Variants in CFAP299 observed in about 807,000 individuals in gnomAD.
CFAP299 encodes cilia- and flagella-associated protein 299.
Under a neutral mutation model 27.0 loss-of-function variants are expected in CFAP299, and 21 were observed. That is an observed-to-expected ratio of 0.78 (90% CI 0.55 to 1.12). The LOEUF (loss-of-function observed/expected upper bound fraction) is 1.12, where lower values mean the gene tolerates loss of function less well. Among genes scored for constraint, CFAP299 ranks in the 50% most tolerant of loss-of-function variants. CFAP299 has a pLI of 0.00. For synonymous variants in CFAP299, 104 were observed against 98.1 expected, an observed-to-expected ratio of 1.06 and a Z score of -0.36; for missense variants, 310 against 276.6, an observed-to-expected ratio of 1.12 and a Z score of -0.86.
intron 3 of CFAP299, among the ~76,000 whole-genome samples, chr4:80,742,044 G>A (rs1033501881): frequency 6.6e-6 from 1 of 152,086 alleles, no homozygotes; most frequent in African/African-American, 2.4e-5. Flanking sequence ...TTATCTCTCT[G>A]CCCTGCATGA....
intron 2 of CFAP299, among the ~76,000 whole-genome samples, chr4:80,503,886 T>C (rs916397781): frequency 6.6e-6 from 1 of 152,178 alleles, no homozygotes; most frequent in Non-Finnish European, 1.5e-5. Flanking sequence ...TTTCCTATTA[T>C]GCATCAAAAC....
chr4:80,578,843 C>G (rs556728995), intron 2 of CFAP299, among the ~76,000 whole-genome samples: 39 of 152,194 alleles, frequency 2.6e-4, no homozygotes, highest in African/African-American at 9.4e-4. Context: ...TAGACTTAAC[C>G]TATGACTGTC....
chr4:80,457,847 T>G (rs1183334536), intron 2 of CFAP299, among the ~76,000 whole-genome samples: 1 of 152,186 alleles, frequency 6.6e-6, no homozygotes, highest in Non-Finnish European at 1.5e-5. Flanking sequence ...TTATCCATGT[T>G]TTGCCGGGCT....
chr4:80,802,258 G>A (rs998700874), intron 3 of CFAP299, among the ~76,000 whole-genome samples: 1 of 151,948 alleles, frequency 6.6e-6, no homozygotes. Context: ...GAATGCAATG[G>A]GACAGAGGTT....
chr4:80,701,152 A>G (rs1018505567), intron 3 of CFAP299, among the ~76,000 whole-genome samples: 1 of 152,070 alleles, frequency 6.6e-6, no homozygotes, highest in African/African-American at 2.4e-5. Context: ...TCATAAAAAC[A>G]TTAGTGGGGG....
At chr4:80,335,187 G>T (rs1000501482), upstream of CFAP299, among the ~76,000 whole-genome samples, 3 of 152,104 alleles carry the variant, frequency 2.0e-5, no homozygotes, top group Admixed American at 6.5e-5. Flanking sequence ...GCAAGAACTT[G>T]GTGCCAAAAA....
chr4:80,654,060 T>C (rs1740440083), intron 3 of CFAP299, among the ~76,000 whole-genome samples: 1 of 152,168 alleles, frequency 6.6e-6, no homozygotes, highest in Admixed American at 6.6e-5. Context: ...ACATTTGGGT[T>C]ATACAGTTTG....
At chr4:80,606,537 T>TA (rs1242152663) in intron 3 of CFAP299, among the ~76,000 whole-genome samples, 2 of 151,714 alleles carry the variant, frequency 1.3e-5, no homozygotes, top group South Asian at 2.1e-4. Context: ...TCTGTTTTTT[T>TA]AAAAAAAAGA....
At chr4:80,412,992 A>T (rs894707170) in intron 2 of CFAP299, among the ~76,000 whole-genome samples, 1 of 152,238 alleles carries the variant, frequency 6.6e-6, no homozygotes, top group South Asian at 2.1e-4. Context: ...TTATATATGC[A>T]TAAAATAAGT....
chr4:80,426,551 A>G (rs1041767063), intron 2 of CFAP299, among the ~76,000 whole-genome samples: 1 of 152,214 alleles, frequency 6.6e-6, no homozygotes, highest in South Asian at 2.1e-4. Flanking sequence ...GCCTGTTCAT[A>G]AGAATCTTCT....
chr4:80,542,829 T>A (rs1734066000), intron 2 of CFAP299, among the ~76,000 whole-genome samples: 1 of 152,136 alleles, frequency 6.6e-6, no homozygotes, highest in African/African-American at 2.4e-5. Context: ...GTGACCCTGC[T>A]GCTGCCCCTT....
At chr4:80,449,302 T>C (rs1053265889) in intron 2 of CFAP299, among the ~76,000 whole-genome samples, 3 of 151,872 alleles carry the variant, frequency 2.0e-5, no homozygotes, top group African/African-American at 7.2e-5. Flanking sequence ...GAAATTATTT[T>C]GCTCTGAATT....
At chr4:80,761,016 A>G (rs1301034160) in intron 3 of CFAP299, among the ~76,000 whole-genome samples, 1 of 152,160 alleles carries the variant, frequency 6.6e-6, no homozygotes, top group African/African-American at 2.4e-5. Flanking sequence ...TTGATGAACA[A>G]ATTACTCTTT....
intron 2 of CFAP299, among the ~76,000 whole-genome samples, chr4:80,523,660 A>G (rs1046531257): frequency 2.6e-5 from 4 of 152,136 alleles, no homozygotes; most frequent in African/African-American, 9.7e-5. Flanking sequence ...ATAAGCTAGA[A>G]CACCCATCTT....
chr4:80,650,026 C>T (rs1053960868), intron 3 of CFAP299, among the ~76,000 whole-genome samples: 1 of 151,690 alleles, frequency 6.6e-6, no homozygotes. Context: ...GGTTAGCTTA[C>T]TTTGTAAATA....
At chr4:80,931,672 A>G (rs556523849) in intron 4 of CFAP299, among the ~76,000 whole-genome samples, 2 of 152,010 alleles carry the variant, frequency 1.3e-5, no homozygotes, top group African/African-American at 4.8e-5. Flanking sequence ...CTTTATTTCA[A>G]TCACCATCCT....
chr4:80,722,177 G>A (rs1231659608), intron 3 of CFAP299, among the ~76,000 whole-genome samples: 1 of 152,120 alleles, frequency 6.6e-6, no homozygotes, highest in African/African-American at 2.4e-5. Context: ...CAGCACTTTG[G>A]GAGGCTGAGG....
chr4:80,411,446 T>C (rs888088722), intron 2 of CFAP299, among the ~76,000 whole-genome samples: 6 of 152,094 alleles, frequency 3.9e-5, no homozygotes, highest in Non-Finnish European at 8.8e-5. Flanking sequence ...CTGGGAAAAA[T>C]CTAGAAGGAT....
At chr4:80,937,308 C>CTTTTTT (rs1736948672) in intron 4 of CFAP299, among the ~76,000 whole-genome samples, 5 of 90,798 alleles carry the variant, frequency 5.5e-5, no homozygotes, top group African/African-American at 1.5e-4. Flanking sequence ...CTTTTTTTTT[C>CTTTTTT]TTTCTTTTTT....
Sources: gnomAD v4.1 joint callset for allele counts (sites outside exome capture counted in the v4.1 genomes callset) on GRCh38, gnomAD v4.1.1 for gene constraint, MANE v1.5 for transcripts, NCBI Gene and HGNC (gene_info 2026-07-23, HGNC 2026-07-21) for gene names.